The following CAPN2 variants were observed in gnomAD, a reference collection of about 807,000 sequenced individuals.
CAPN2 encodes calpain-2 catalytic subunit.
Under a neutral mutation model 102.3 loss-of-function variants are expected in CAPN2, and 92 were observed. The ratio of observed to expected loss-of-function variants is 0.90; its 90% CI spans 0.76 to 1.07. The LOEUF (loss-of-function observed/expected upper bound fraction) is 1.07. Ranked by LOEUF, CAPN2 falls within the 50% of genes least tolerant of loss-of-function variation. The probability of loss-of-function intolerance (pLI) is 0.00; values close to 1 mark genes in which losing one functional copy is unlikely to be tolerated. For synonymous variants in CAPN2, 340 were observed against 355.4 expected (o/e 0.96, Z 0.49); for missense variants, 800 against 909.4 (o/e 0.88, Z 1.55).
chr1:223,770,048 G>A, intron 17 of CAPN2, 139 bp downstream of exon 17: 1 of 760,580 alleles, frequency 1.3e-6, no homozygotes, highest in Non-Finnish European at 2.2e-6. Context: ...CTCAGAGTGA[G>A]TAAAGATGGG....
chr1:223,717,573 C>A (rs1659909864), intron 1 of CAPN2, among the ~76,000 whole-genome samples, 189 bp from the exon 2 acceptor site: 1 of 152,116 alleles, frequency 6.6e-6, no homozygotes. Context: ...ACCCATCCAC[C>A]CATCAGGGCC....
intron 4 of CAPN2, among the ~76,000 whole-genome samples, chr1:223,746,228 T>A (rs1425671567): frequency 9.2e-5 from 14 of 152,180 alleles, no homozygotes; most frequent in Non-Finnish European, 1.5e-5. Context: ...CACTGCTCAA[T>A]ACTGGGGTCA....
upstream of CAPN2, among the ~76,000 whole-genome samples, chr1:223,708,683 A>G (rs1315129498): frequency 1.3e-5 from 2 of 151,932 alleles, 1 homozygote; most frequent in Non-Finnish European, 2.9e-5. Flanking sequence ...AGGCAGGAGA[A>G]TCACTTGCAC....
chr1:223,767,560 G>A (rs1232058291), intron 16 of CAPN2, among the ~76,000 whole-genome samples: 1 of 151,638 alleles, frequency 6.6e-6, no homozygotes, highest in Non-Finnish European at 1.5e-5. Flanking sequence ...TGGTGTATAT[G>A]AGCCACATTT....
At chr1:223,730,043 C>A in intron 2 of CAPN2, among the ~76,000 whole-genome samples, 1 of 143,404 alleles carries the variant, frequency 7.0e-6, no homozygotes, top group Non-Finnish European at 1.5e-5. Context: ...AAACGAAAAC[C>A]TGAAATCAGT....
rs750406866 is a variant in CAPN2 at position 223,764,140 on chromosome 1, G to A, written c.1633-10G>A. 12 of 1,612,746 alleles carry A rather than the reference G, an allele frequency of 7.4e-6. No homozygotes were observed. Among genetic ancestry groups the A allele is most frequent in the East Asian group, 2.2e-5 (1 of 44,882 alleles). On this transcript the variant is annotated splice_polypyrimidine_tract_variant and intron_variant, in intron 14 of 20. Coordinates refer to ENST00000295006, the MANE Select transcript of CAPN2 (RefSeq NM_001748.5). ...GGGCCAATAACTATGCTCTGGTTAT[G>A]TGTCCACAGGATGCGGAGATCTCTG...
At chr1:223,724,857 C>T (rs1660147786) in intron 2 of CAPN2, among the ~76,000 whole-genome samples, 1 of 152,134 alleles carries the variant, frequency 6.6e-6, no homozygotes, top group Non-Finnish European at 1.5e-5. Context: ...CCTGTAGTTC[C>T]AGCTACTTGG....
At chr1:223,719,831 T>TGCGC (rs957997501) in intron 2 of CAPN2, among the ~76,000 whole-genome samples, 3 of 96,690 alleles carry the variant, frequency 3.1e-5, no homozygotes, top group African/African-American at 1.1e-4. Flanking sequence ...TGTGTGTGTG[T>TGCGC]GCGCGCGCGC....
At chr1:223,724,794 A>G (rs1197823200) in intron 2 of CAPN2, among the ~76,000 whole-genome samples, 2 of 151,972 alleles carry the variant, frequency 1.3e-5, no homozygotes, top group Non-Finnish European at 2.9e-5. Flanking sequence ...CATAATGAGA[A>G]CCCATTTCCA....
At chr1:223,742,498 G>GTGTATA (rs531707362) in intron 2 of CAPN2, among the ~76,000 whole-genome samples, 10 of 127,266 alleles carry the variant, frequency 7.9e-5, no homozygotes, top group South Asian at 7.3e-4. Context: ...ATATATGTGT[G>GTGTATA]TATATATATA....
At chr1:223,767,180 ATTTATTTAT>A (rs1661358422) in intron 16 of CAPN2, among the ~76,000 whole-genome samples, 1 of 148,718 alleles carries the variant, frequency 6.7e-6, no homozygotes, top group Admixed American at 6.7e-5. Flanking sequence ...TTCTTTATTT[ATTTATTTAT>A]TTATTTTTTA....
chr1:223,747,121 C>T lies in CAPN2; in HGVS notation c.685C>T (p.Gln229Ter). 1 of 1,614,012 alleles carries T rather than the reference C, an allele frequency of 6.2e-7. No homozygotes were observed. Among genetic ancestry groups the T allele is most frequent in the Non-Finnish European group, 8.5e-7 (1 of 1,179,932 alleles). ...KPPPNLFKIIQKALQKGSLLG... is the reference protein window; with the variant it reads ...KPPPNLFKII Reference sequence around the variant, plus strand: ...CCCTCCCAACCTGTTCAAGATCATCCAGAAAGCTCTGCAAAAAGGCTCTCT... The same window carrying T: ...CCCTCCCAACCTGTTCAAGATCATCTAGAAAGCTCTGCAAAAAGGCTCTCT... Residue 229 changes from glutamine (Q) to a stop codon, truncating the protein, a stop_gained, in exon 5 of 21, where the codon CAG becomes TAG. Coordinates refer to ENST00000295006, the MANE Select transcript of CAPN2 (RefSeq NM_001748.5). LOFTEE classifies it high-confidence loss of function.
chr1:223,723,043 A>G (rs995637051), intron 2 of CAPN2, among the ~76,000 whole-genome samples: 1 of 152,186 alleles, frequency 6.6e-6, no homozygotes, highest in African/African-American at 2.4e-5. Flanking sequence ...CCTTTTTAAT[A>G]AGTATGCAGT....
intron 2 of CAPN2, among the ~76,000 whole-genome samples, chr1:223,722,677 T>C (rs1425371444): frequency 2.0e-5 from 3 of 152,136 alleles, no homozygotes; most frequent in African/African-American, 7.2e-5. Context: ...AGAACAGTGT[T>C]AGGTTTATAG....
chr1:223,712,909 C>CG, intron 1 of CAPN2, 32 bp downstream of exon 1: 1 of 1,452,892 alleles, frequency 6.9e-7, no homozygotes, highest in South Asian at 1.3e-5. Context: ...GCGGGCAGGG[C>CG]GGGGTGCCGG....
intron 2 of CAPN2, among the ~76,000 whole-genome samples, chr1:223,736,087 C>G (rs1471038972): frequency 6.6e-6 from 1 of 152,162 alleles, no homozygotes; most frequent in Admixed American, 6.5e-5. Flanking sequence ...TACTCGGGAC[C>G]TTTCACCACC....
At chr1:223,744,836 G>A (rs1308221598) in intron 3 of CAPN2, among the ~76,000 whole-genome samples, 1 of 152,090 alleles carries the variant, frequency 6.6e-6, no homozygotes, top group Non-Finnish European at 1.5e-5. Context: ...GAGCCCAGGA[G>A]TTCGAGACCA....
intron 1 of CAPN2, among the ~76,000 whole-genome samples, chr1:223,717,465 G>A (rs1659907752): frequency 1.3e-5 from 2 of 152,248 alleles, no homozygotes; most frequent in Non-Finnish European, 2.9e-5. Flanking sequence ...GAAAAGGCTG[G>A]ACTTGCTGCT....
chr1:223,772,317 TG>T, intron 20 of CAPN2, 78 bp downstream of exon 20: 1 of 1,297,348 alleles, frequency 7.7e-7, no homozygotes, highest in Admixed American at 1.7e-5. Context: ...TTGAGTGATC[TG>T]CTTTTTCAAG....
Sources: allele counts gnomAD v4.1 joint callset (sites outside exome capture counted in the v4.1 genomes callset), GRCh38; gene constraint gnomAD v4.1.1; transcripts MANE v1.5; gene names NCBI Gene and HGNC (gene_info 2026-07-23, HGNC 2026-07-21).